The following NSMCE2 variants were observed in gnomAD, a reference collection of about 807,000 sequenced individuals.
The protein encoded by NSMCE2 is NSE2 SUMO ligase component of SMC5/6 complex.
A neutral mutation model predicts 23.8 loss-of-function variants in NSMCE2; 24 were observed. That is an observed-to-expected ratio of 1.01 (90% CI 0.73 to 1.42). The LOEUF (loss-of-function observed/expected upper bound fraction) is 1.42, where lower values mean the gene tolerates loss of function less well. NSMCE2 is among the 40% of genes most tolerant of loss of function. NSMCE2 has a pLI of 0.00. For missense variants in NSMCE2, 284 were observed against 296.5 expected (o/e 0.96, Z 0.31); for synonymous variants, 92 against 94.1 (o/e 0.98, Z 0.13).
At chr8:125,225,938 T>A (rs997690268) in intron 5 of NSMCE2, among the ~76,000 whole-genome samples, 19 of 152,242 alleles carry the variant, frequency 1.2e-4, no homozygotes, top group Non-Finnish European at 5.9e-5. Context: ...AAGATGAATT[T>A]TAATGGACTT....
intron 5 of NSMCE2, chr8:125,270,849 C>G (rs994794241): frequency 6.6e-6 from 1 of 152,140 alleles, no homozygotes; most frequent in Non-Finnish European, 1.5e-5. Flanking sequence ...TGAGATCACA[C>G]TTGTGAACAG....
chr8:125,106,716 C>T (rs898792427), intron 3 of NSMCE2, among the ~76,000 whole-genome samples: 2 of 149,984 alleles, frequency 1.3e-5, no homozygotes, highest in Non-Finnish European at 3.0e-5. Flanking sequence ...TTCATTTTGG[C>T]CGGGTGCTGT....
At chr8:125,200,365 C>T (rs1426860300) in intron 5 of NSMCE2, among the ~76,000 whole-genome samples, 1 of 152,142 alleles carries the variant, frequency 6.6e-6, no homozygotes, top group African/African-American at 2.4e-5. Flanking sequence ...GTAAGGCAGG[C>T]CTAGTGGTGA....
At chr8:125,267,155 G>A (rs1047009336) in intron 5 of NSMCE2, among the ~76,000 whole-genome samples, 4 of 151,556 alleles carry the variant, frequency 2.6e-5, no homozygotes, top group East Asian at 1.9e-4. Context: ...ATATAGGCAC[G>A]CACTGCCACG....
chr8:125,229,625 C>T (rs1586643127), intron 5 of NSMCE2, among the ~76,000 whole-genome samples: 1 of 152,088 alleles, frequency 6.6e-6, no homozygotes, highest in South Asian at 2.1e-4. Flanking sequence ...TAAAATGACA[C>T]CAAGCTTATG....
intron 5 of NSMCE2, among the ~76,000 whole-genome samples, chr8:125,242,514 G>T (rs1243361561): frequency 6.6e-6 from 1 of 152,040 alleles, no homozygotes; most frequent in African/African-American, 2.4e-5. Context: ...AAGATGCCAT[G>T]CAAATGCCTA....
At chr8:125,162,784 G>A (rs1057485888) in intron 4 of NSMCE2, among the ~76,000 whole-genome samples, 1 of 152,122 alleles carries the variant, frequency 6.6e-6, no homozygotes, top group South Asian at 2.1e-4. Flanking sequence ...CCTAAACTTG[G>A]AATAAATGGC....
intron 4 of NSMCE2, among the ~76,000 whole-genome samples, chr8:125,181,865 G>T (rs1406654344): frequency 6.6e-6 from 1 of 152,116 alleles, no homozygotes; most frequent in Non-Finnish European, 1.5e-5. Context: ...TCATTGAAGG[G>T]CCACTAGCTT....
chr8:125,350,484 C>A (rs936275696), intron 5 of NSMCE2, among the ~76,000 whole-genome samples: 5 of 152,070 alleles, frequency 3.3e-5, no homozygotes, highest in Admixed American at 6.5e-5. Context: ...AGAGAGGTTG[C>A]GTATTAATCC....
At chr8:125,253,250 T>C (rs1826267679) in intron 5 of NSMCE2, among the ~76,000 whole-genome samples, 1 of 152,236 alleles carries the variant, frequency 6.6e-6, no homozygotes, top group African/African-American at 2.4e-5. Context: ...ACTGTGGTAT[T>C]TGCTAGAGAA....
At chr8:125,106,353 C>T (rs1818456887) in intron 3 of NSMCE2, among the ~76,000 whole-genome samples, 1 of 152,100 alleles carries the variant, frequency 6.6e-6, no homozygotes, top group Non-Finnish European at 1.5e-5. Flanking sequence ...ATGGTGAACA[C>T]AAATTTTTCA....
At chr8:125,096,035 A>G (rs920808609) in intron 1 of NSMCE2, among the ~76,000 whole-genome samples, 20 of 152,174 alleles carry the variant, frequency 1.3e-4, no homozygotes, top group South Asian at 2.1e-4. Context: ...TCTTTCATGC[A>G]TGGAGCCTGA....
intron 3 of NSMCE2, among the ~76,000 whole-genome samples, chr8:125,116,842 G>A (rs1054080821): frequency 2.0e-5 from 3 of 151,238 alleles, no homozygotes; most frequent in Admixed American, 2.0e-4. Context: ...TGGCCATACT[G>A]AAGATATATC....
intron 5 of NSMCE2, among the ~76,000 whole-genome samples, chr8:125,271,239 C>A (rs574062686): frequency 7.0e-5 from 10 of 142,658 alleles, no homozygotes; most frequent in Non-Finnish European, 1.5e-4. Context: ...GCAGACTGGG[C>A]GACCAAGTGA....
At chr8:125,208,346 G>A (rs1055284775) in intron 5 of NSMCE2, among the ~76,000 whole-genome samples, 3 of 152,160 alleles carry the variant, frequency 2.0e-5, no homozygotes, top group Non-Finnish European at 4.4e-5. Context: ...ATCTTTAACT[G>A]TCTGTTTTTG....
intron 3 of NSMCE2, among the ~76,000 whole-genome samples, chr8:125,149,284 G>A (rs1820858359): frequency 6.6e-6 from 1 of 152,180 alleles, no homozygotes; most frequent in Non-Finnish European, 1.5e-5. Flanking sequence ...TAACCCAGGA[G>A]ATAGTCTATG....
At chr8:125,157,122 AAAG>A (rs1388107900) in intron 4 of NSMCE2, among the ~76,000 whole-genome samples, 2 of 152,200 alleles carry the variant, frequency 1.3e-5, no homozygotes, top group Admixed American at 6.5e-5. Flanking sequence ...ATCATTGACA[AAAG>A]AAGAAGGAGG....
chr8:125,238,007 T>G (rs1472751706), intron 5 of NSMCE2, among the ~76,000 whole-genome samples: 1 of 152,196 alleles, frequency 6.6e-6, no homozygotes, highest in Admixed American at 6.5e-5. Flanking sequence ...CCTGTATGGA[T>G]GAAGAGAATA....
At chr8:125,154,430 CT>C (rs1222449154) in intron 4 of NSMCE2, among the ~76,000 whole-genome samples, 6 of 150,628 alleles carry the variant, frequency 4.0e-5, no homozygotes, top group Non-Finnish European at 7.4e-5. Context: ...TCCGTTGTCT[CT>C]CAAGAAAACA....
Sources: gnomAD v4.1 joint callset for allele counts (sites outside exome capture counted in the v4.1 genomes callset) on GRCh38, gnomAD v4.1.1 for gene constraint, MANE v1.5 for transcripts, NCBI Gene and HGNC (gene_info 2026-07-23, HGNC 2026-07-21) for gene names.